Variants in TMEM183A observed in about 807,000 individuals in gnomAD.
The protein encoded by TMEM183A is transmembrane protein 183A.
TMEM183A carries 21 observed loss-of-function variants against 46.7 expected under a neutral mutation model. That is an observed-to-expected ratio of 0.45 (90% CI 0.32 to 0.65). The LOEUF is 0.65. TMEM183A is among the 30% of genes least tolerant of loss of function. The probability of loss-of-function intolerance (pLI) is 0.04; values close to 1 mark genes in which losing one functional copy is unlikely to be tolerated. For synonymous variants in TMEM183A, 165 were observed against 180.2 expected, an observed-to-expected ratio of 0.92 and a Z score of 0.68; for missense variants, 331 against 481.9, an observed-to-expected ratio of 0.69 and a Z score of 2.93.
At chr1:203,008,284 G>A (rs1179421788) in intron 2 of TMEM183A, among the ~76,000 whole-genome samples, 1 of 152,080 alleles carries the variant, frequency 6.6e-6, no homozygotes, top group Non-Finnish European at 1.5e-5. Context: ...TCAGGACCAG[G>A]ATTAAATTGG....
chr1:203,015,724 C>G (rs1052418239), intron 4 of TMEM183A: 1 of 528,172 alleles, frequency 1.9e-6, no homozygotes, highest in African/African-American at 1.9e-5. Context: ...TCAGAGTTTG[C>G]TCTTTTGTTC....
At chr1:203,015,160 C>T in intron 4 of TMEM183A, 112 bp downstream of exon 4, 1 of 1,461,380 alleles carries the variant, frequency 6.8e-7, no homozygotes, top group Non-Finnish European at 9.2e-7. Context: ...TACTCCATGT[C>T]TGGGCATGAC....
At chr1:203,018,851 A>G (rs1160063005) in intron 6 of TMEM183A, among the ~76,000 whole-genome samples, 1 of 152,192 alleles carries the variant, frequency 6.6e-6, no homozygotes, top group Non-Finnish European at 1.5e-5. Context: ...GTGGAATGCC[A>G]AAAGGGGCTG....
At position 203,022,983 on chromosome 1, in the gene TMEM183A, C is replaced by G; in HGVS notation, c.1074C>G (p.His358Gln). The G allele has an allele frequency of 6.2e-7, 1 of 1,600,272 alleles. No homozygotes were observed. Among genetic ancestry groups the G allele is most frequent in the Non-Finnish European group, 8.6e-7 (1 of 1,169,474 alleles). The change falls in exon 8 of 8, where the codon CAC becomes CAG. Residue 358 changes from histidine (H) to glutamine (Q), a missense_variant. Around this residue, in one of 2 missense-constraint regions of TMEM183A, gnomAD observed 233 missense variants for 385.8 expected, o/e 0.60. Transcript: ENST00000367242. ...QGVQVILDPV[H>Q]SVRLFDWWHP... is the part of the protein sequence containing the mutation. ...TGCAAGTCATCCTGGACCCAGTGCA[C>G]AGCGTTCGGCTCTTTGACTGGTGGC...
chr1:203,016,421 A>G (rs1206050395), intron 5 of TMEM183A, among the ~76,000 whole-genome samples: 2 of 152,090 alleles, frequency 1.3e-5, no homozygotes, highest in African/African-American at 4.8e-5. Context: ...CTCTAGATAT[A>G]ATGGTTTTGA....
rs772662432 is a variant in TMEM183A at position 203,020,742 on chromosome 1, G to A, written c.790-51G>A. ...GGATTTTCTTTGGTGGACTCTTAGA[G>A]CCATATAATGTTTCTTCTAAGCCAT... is the stretch of plus-strand genomic sequence containing the variant. On this transcript the variant is annotated intron_variant, in intron 6 of 7. Coordinates refer to ENST00000367242, the MANE Select transcript of TMEM183A (RefSeq NM_138391.6). 1.9e-6 allele frequency: 3 copies of A among 1,610,802 alleles called. No homozygotes were observed. In the Admixed American group the frequency reaches 5.0e-5, roughly 27 times the overall value.
chr1:203,016,450 G>A (rs1311888039), intron 5 of TMEM183A, among the ~76,000 whole-genome samples: 1 of 152,230 alleles, frequency 6.6e-6, no homozygotes, highest in Non-Finnish European at 1.5e-5. Flanking sequence ...GCTAGGAAGA[G>A]CATAACTCAA....
Position 203,013,981 on chromosome 1 carries a change from T to G in TMEM183A, c.368-908T>G, listed in dbSNP as rs935405801. Among the ~76,000 whole-genome samples the G allele has an allele frequency of 6.8e-6, 1 of 146,912 alleles. No homozygotes were observed. Among genetic ancestry groups the G allele is most frequent in the African/African-American group, 2.5e-5 (1 of 39,546 alleles). ...TGTTGGCCAGGATGGTCTCGATCTC[T>G]TGACCTCGTGATCTGCCTGCCTTGG... On this transcript the variant is annotated intron_variant, in intron 3 of 7. Coordinates refer to ENST00000367242, the MANE Select transcript of TMEM183A (RefSeq NM_138391.6). The surrounding 1 kb of genome is among the most constrained non-coding windows in gnomAD (Gnocchi z 4.0).
intron 3 of TMEM183A, among the ~76,000 whole-genome samples, chr1:203,011,964 T>C (rs1656645593): frequency 6.6e-6 from 1 of 151,780 alleles, no homozygotes; most frequent in Admixed American, 6.6e-5. Flanking sequence ...TTTTTTTTAA[T>C]GAAACATGTA....
chr1:203,018,265 TG>T (rs2102562156), intron 5 of TMEM183A, among the ~76,000 whole-genome samples: 1 of 152,334 alleles, frequency 6.6e-6, no homozygotes. Flanking sequence ...TGGTCCCTCC[TG>T]TCCTTATTGA....
At chr1:203,022,690 G>A (rs542585332) in intron 7 of TMEM183A, among the ~76,000 whole-genome samples, 165 bp from the exon 8 acceptor site, 19 of 149,170 alleles carry the variant, frequency 1.3e-4, no homozygotes, top group Non-Finnish European at 1.5e-5. Context: ...GCAACAGAAC[G>A]AGGTCCTTTC....
chr1:203,008,186 TCTTTTC>T (rs1201842413), intron 2 of TMEM183A, among the ~76,000 whole-genome samples: 1 of 152,244 alleles, frequency 6.6e-6, no homozygotes, highest in Non-Finnish European at 1.5e-5. Context: ...CTTGGAGTGT[TCTTTTC>T]CTTTTCTGGT....
Position 203,023,774 on chromosome 1 carries a change from CTG to C in TMEM183A, c.*736_*737del, listed in dbSNP as rs1272084921. 7 of 152,344 alleles carry C rather than the reference CTG, an allele frequency of 4.6e-5. No homozygotes were observed. In the South Asian group the frequency reaches 1.0e-3, roughly 23 times the overall value. The allele number at this position is 152,344 out of a possible 1,614,324, so 9.4% of individuals were successfully genotyped here. ...ATAGTTGAGAAAACGGAATTAGTGA[CTG>C]TACCTATAACACCAGTAAATGCAGA... On this transcript the variant is annotated 3_prime_UTR_variant, in exon 8 of 8. Coordinates refer to ENST00000367242, the MANE Select transcript of TMEM183A (RefSeq NM_138391.6).
In TMEM183A at chr1:203,024,096, A is replaced by G. The variant is rs1657967062; in HGVS notation, c.*1056A>G. 1 of 152,226 alleles carries G rather than the reference A, an allele frequency of 6.6e-6. No individual in the cohort carries two copies. Among genetic ancestry groups the G allele is most frequent in the Admixed American group, 6.5e-5 (1 of 15,284 alleles). 9.4% of individuals were successfully genotyped at this position (152,226 alleles called of 1,614,324 possible). On this transcript the variant is annotated 3_prime_UTR_variant, in exon 8 of 8. Transcript: ENST00000367242. ...TTGAACTGTTAGAAGGGCATTTATT[A>G]GGCTAAAACGTCATTAACAAAATGC...
intron 7 of TMEM183A, 37 bp downstream of exon 7, chr1:203,020,985 T>C (rs1657620978): frequency 2.0e-6 from 1 of 503,390 alleles, no homozygotes. Flanking sequence ...TCAGCTCCTT[T>C]TTTTTTTTTT....
In TMEM183A at chr1:203,007,440, C is replaced by G; in HGVS notation, c.-26C>G. 1 of 1,403,416 alleles carries G rather than the reference C, an allele frequency of 7.1e-7. No individual in the cohort carries two copies. The highest frequency in any genetic ancestry group is 9.3e-7 in the Non-Finnish European group (1 of 1,077,014). The allele number at this position is 1,403,416 out of a possible 1,614,324, so 86.9% of individuals were successfully genotyped here. On this transcript the variant is annotated 5_prime_UTR_variant, in exon 1 of 8. Coordinates refer to ENST00000367242, the MANE Select transcript of TMEM183A (RefSeq NM_138391.6). ...GCCGGGCGGAGCTGGCTTGCGGCTC[C>G]CGGGGCCGGCTCTCCGGCCGGAGAC...
In TMEM183A at chr1:203,007,473, G is replaced by A. The variant is rs760691849; in HGVS notation, c.8G>A (p.Arg3Gln). ...GGCTCTCCGGCCGGAGACATGGCCC[G>A]GGGGCCCGGCCCGCTAGGCAGGCCT... MA[R>Q]GPGPLGRPRP... Residue 3 changes from arginine (R) to glutamine (Q), a missense_variant, in exon 1 of 8, where the codon CGG becomes CAG. Transcript: ENST00000367242. The A allele has an allele frequency of 6.2e-6, 9 of 1,452,876 alleles. No individual in the cohort carries two copies. The highest frequency in any genetic ancestry group is 2.5e-4 in the Middle Eastern group (1 of 4,038). 90.0% of individuals were successfully genotyped at this position (1,452,876 alleles called of 1,614,324 possible).
At position 203,008,748 on chromosome 1, in the gene TMEM183A, C is replaced by G; in HGVS notation, c.305C>G (p.Ala102Gly). The G allele has an allele frequency of 1.9e-6, 3 of 1,609,144 alleles. No homozygotes were observed. Among genetic ancestry groups the G allele is most frequent in the Non-Finnish European group, 2.5e-6 (3 of 1,177,732 alleles). The change falls in exon 3 of 8, where the codon GCC becomes GGC. Residue 102 changes from alanine (A) to glycine (G), a missense_variant. Physicochemically the swap from Ala to Gly is moderately conservative, Grantham distance 60. Transcript: ENST00000367242. The stretch of plus-strand genomic sequence containing the variant: ...ATCGACAGCAGTGATGAGATGGATG[C>G]CCAGGAGGAAAGCATCCATGAGAGA... ...DIIDSSDEMD[A>G]QEESIHERTV...
At position 203,008,778 on chromosome 1, in the gene TMEM183A, T is replaced by A. The variant is rs2102530435; in HGVS notation, c.335T>A (p.Val112Asp). 1.2e-6 allele frequency: 2 copies of A among 1,608,164 alleles called. No homozygotes were observed. The highest frequency in any genetic ancestry group is 2.2e-5 in the South Asian group (2 of 90,104). ...AQEESIHERT[V>D]SRKKKSKRHK... ...GAGGAAAGCATCCATGAGAGAACTG[T>A]CTCCAGAAAAAAGAAAAGCAAGAGA... The change falls in exon 3 of 8, where the codon GTC becomes GAC. Residue 112 changes from valine (V) to aspartate (D), a missense_variant. By Grantham distance (152) the Val-to-Asp change is radical. Coordinates refer to ENST00000367242, the MANE Select transcript of TMEM183A (RefSeq NM_138391.6).
Sources: allele counts gnomAD v4.1 joint callset (sites outside exome capture counted in the v4.1 genomes callset), GRCh38; gene constraint gnomAD v4.1.1; regional missense constraint gnomAD v4.1.1; non-coding constraint Gnocchi (gnomAD v3.1); transcripts MANE v1.5; gene names NCBI Gene and HGNC (gene_info 2026-07-23, HGNC 2026-07-21).